The following LGR4 variants were observed in gnomAD, a reference collection of about 807,000 sequenced individuals.
LGR4 encodes the protein leucine-rich repeat-containing G protein-coupled receptor 4.
In LGR4, 44 loss-of-function variants were observed where a neutral mutation model predicts 84.8. That is an observed-to-expected ratio of 0.52 (90% confidence interval 0.41 to 0.67). The LOEUF is 0.67. Ranked by LOEUF, LGR4 falls within the 30% of genes least tolerant of loss-of-function variation. LGR4 has a pLI of 0.00. For synonymous variants in LGR4, 429 were observed against 434.3 expected (o/e 0.99, Z 0.15); for missense variants, 1,032 against 1,131.4 (o/e 0.91, Z 1.26).
At chr11:27,453,756 T>C (rs1864525645) in intron 1 of LGR4, among the ~76,000 whole-genome samples, 1 of 152,220 alleles carries the variant, frequency 6.6e-6, no homozygotes. Flanking sequence ...TAAGTAATTA[T>C]TATTTTAAAG....
chr11:27,371,434 G>A lies in LGR4; in HGVS notation c.1579+181C>T, dbSNP rs138008340. On this transcript the variant is annotated intron_variant, in intron 17 of 17. Transcript: ENST00000379214. Reference sequence around the variant, plus strand: ...ATTCTGATTCAGTAGGTCTGGGCCTGAGATTCTGCAAAAAATTCCTAAGCT... The same window carrying A: ...ATTCTGATTCAGTAGGTCTGGGCCTAAGATTCTGCAAAAAATTCCTAAGCT... Among the ~76,000 whole-genome samples, 116 of 152,292 alleles carry A rather than the reference G, an allele frequency of 7.6e-4. 1 individual carries two copies. In the East Asian group the frequency reaches 0.016, roughly 21 times the overall value.
chr11:27,368,411 A>G lies in LGR4; in HGVS notation c.2312T>C (p.Leu771Ser). The change falls in exon 18 of 18, where the codon TTG (leucine) becomes TCG (serine). Residue 771 changes from leucine (L) to serine (S), a missense_variant. Coordinates refer to ENST00000379214, the MANE Select transcript of LGR4 (RefSeq NM_018490.5). ...CPVAFFSFAP[L>S]ITAISISPEI... ...GGGGCTGATAGAGATTGCAGTGATCAATGGTGCAAATGAAAAAAACGCCAC... is the reference window on the plus strand; with the variant it reads ...GGGGCTGATAGAGATTGCAGTGATCGATGGTGCAAATGAAAAAAACGCCAC... 1 of 1,614,242 alleles carries G rather than the reference A, an allele frequency of 6.2e-7. No individual in the cohort carries two copies. Among genetic ancestry groups the G allele is most frequent in the Non-Finnish European group, 8.5e-7 (1 of 1,180,042 alleles).
intron 6 of LGR4, 115 bp downstream of exon 6, chr11:27,384,221 G>C: frequency 1.5e-6 from 1 of 677,718 alleles, no homozygotes; most frequent in Non-Finnish European, 2.6e-6. Context: ...CAGTATCAAA[G>C]TGAATTAATA....
chr11:27,467,723 T>C (rs1047657061), intron 1 of LGR4, among the ~76,000 whole-genome samples: 3 of 152,332 alleles, frequency 2.0e-5, no homozygotes, highest in South Asian at 2.1e-4. Context: ...CTGTGAATTA[T>C]TGACAGATCT....
intron 10 of LGR4, 89 bp from the exon 11 acceptor site, chr11:27,378,857 T>TC: frequency 1.2e-6 from 1 of 855,366 alleles, no homozygotes; most frequent in Non-Finnish European, 1.9e-6. Flanking sequence ...GCTCACATAT[T>TC]TACATATGGA....
intron 1 of LGR4, among the ~76,000 whole-genome samples, chr11:27,430,054 A>G (rs1341042140): frequency 6.6e-6 from 1 of 152,046 alleles, no homozygotes; most frequent in South Asian, 2.1e-4. Flanking sequence ...CTATTCCTTT[A>G]TTCTCTAACT....
chr11:27,458,341 A>G (rs115962882), intron 1 of LGR4, among the ~76,000 whole-genome samples: 100 of 152,252 alleles, frequency 6.6e-4, no homozygotes, highest in African/African-American at 2.3e-3. Flanking sequence ...GGAGGTGAAG[A>G]GAGGAGATAA....
chr11:27,391,203 A>G, intron 3 of LGR4, 38 bp from the exon 4 acceptor site: 1 of 1,021,706 alleles, frequency 9.8e-7, no homozygotes, highest in Non-Finnish European at 1.5e-6. Flanking sequence ...AACAAGTGAT[A>G]GTTACCATTT....
intron 1 of LGR4, among the ~76,000 whole-genome samples, chr11:27,460,245 CAAG>C (rs1037465454): frequency 9.2e-5 from 14 of 152,102 alleles, no homozygotes; most frequent in African/African-American, 2.9e-4. Flanking sequence ...ACCGAGCTCC[CAAG>C]AAGAAGGCTA....
At chr11:27,447,381 A>G (rs1314784047) in intron 1 of LGR4, among the ~76,000 whole-genome samples, 1 of 152,014 alleles carries the variant, frequency 6.6e-6, no homozygotes, top group Non-Finnish European at 1.5e-5. Context: ...ATTATATGCT[A>G]ATTATAATAT....
At chr11:27,460,099 A>T (rs1324839360) in intron 1 of LGR4, among the ~76,000 whole-genome samples, 1 of 152,082 alleles carries the variant, frequency 6.6e-6, no homozygotes, top group Non-Finnish European at 1.5e-5. Flanking sequence ...CAAAAAAAAG[A>T]ATAAGAGCTG....
At chr11:27,445,213 T>C (rs1232725340) in intron 1 of LGR4, among the ~76,000 whole-genome samples, 1 of 152,156 alleles carries the variant, frequency 6.6e-6, no homozygotes, top group African/African-American at 2.4e-5. Context: ...GATTCGTGCA[T>C]GTCTGTCTTT....
chr11:27,396,704 T>C (rs1156506389), intron 2 of LGR4, among the ~76,000 whole-genome samples: 1 of 152,182 alleles, frequency 6.6e-6, no homozygotes, highest in Non-Finnish European at 1.5e-5. Context: ...TCAGGACCTA[T>C]TGGCTGCCCT....
Position 27,451,095 on chromosome 11 carries a change from C to T in LGR4, c.185+21023G>A, listed in dbSNP as rs181921840. Reference sequence around the variant, plus strand: ...TTTTTAGTATTCACAACTAAATGAACGGTACTTTTCAATACTTAAAACTAA... The same window carrying T: ...TTTTTAGTATTCACAACTAAATGAATGGTACTTTTCAATACTTAAAACTAA... On this transcript the variant is annotated intron_variant, in intron 1 of 17. Coordinates refer to ENST00000379214, the MANE Select transcript of LGR4 (RefSeq NM_018490.5). 9.9e-5 allele frequency among the ~76,000 whole-genome samples: 15 copies of T among 152,218 alleles called. No individual in the cohort carries two copies. In the East Asian group the frequency reaches 1.9e-3, roughly 20 times the overall value.
rs1301818338 is a variant in LGR4, at chr11:27,376,224, A to G, written c.1181+75T>C. On this transcript the variant is annotated intron_variant, in intron 13 of 17. Coordinates refer to ENST00000379214, the MANE Select transcript of LGR4 (RefSeq NM_018490.5). ...ATTATATCTTTAAGTATATCTAGTAACATGGAAATCATAACAACATATTAA... is the reference window on the plus strand; with the variant it reads ...ATTATATCTTTAAGTATATCTAGTAGCATGGAAATCATAACAACATATTAA... The G allele has an allele frequency of 4.7e-6, 4 of 844,608 alleles. No individual in the cohort carries two copies. In the Admixed American group the frequency reaches 9.1e-5, roughly 19 times the overall value. The allele number at this position is 844,608 out of a possible 1,614,324, so 52.3% of individuals were successfully genotyped here. A position where few individuals can be genotyped will look rare whatever the true frequency, so the allele number is the denominator to read the frequency against.
In LGR4 at chr11:27,469,115, A is replaced by T. The variant is rs529136634; in HGVS notation, c.185+3003T>A. 5.1e-4 allele frequency among the ~76,000 whole-genome samples: 78 copies of T among 152,348 alleles called. 4 individuals carry two copies. The South Asian group carries it at 0.016, about 31-fold the overall frequency. On this transcript the variant is annotated intron_variant, in intron 1 of 17. Transcript: ENST00000379214. ...TTGTGACAGGCCAGTGCATTGTGAC[A>T]CAAGATTGAATACTGTTGTTCAAAA...
intron 1 of LGR4, among the ~76,000 whole-genome samples, chr11:27,462,588 T>A (rs1390334753): frequency 1.3e-5 from 2 of 152,144 alleles, no homozygotes; most frequent in African/African-American, 2.4e-5. Flanking sequence ...GAACCTGATA[T>A]ACATTCAAAG....
chr11:27,387,612 G>A (rs776569585), intron 4 of LGR4, among the ~76,000 whole-genome samples: 2 of 152,144 alleles, frequency 1.3e-5, no homozygotes, highest in Non-Finnish European at 2.9e-5. Context: ...TAAAACACAG[G>A]AGGAGGGGAG....
chr11:27,472,461 AGCGGCGCAGGGAC>A lies in LGR4; in HGVS notation c.-172_-160del. On this transcript the variant is annotated 5_prime_UTR_variant, in exon 1 of 18. The change abolishes the stop of an existing upstream ORF in the 5' untranslated region. Transcript: ENST00000379214. The stretch of plus-strand genomic sequence containing the variant: ...CTCGGCCCCTTCAGCAGTCCGCCGC[AGCGGCGCAGGGAC>A]GCGGCGCTCCGGAGTTTCGCCCTTC... 6.8e-6 allele frequency: 3 copies of A among 441,650 alleles called. No homozygotes were observed. The highest frequency in any genetic ancestry group is 1.1e-5 in the Non-Finnish European group (3 of 269,828). 27.4% of individuals were successfully genotyped at this position (441,650 alleles called of 1,614,324 possible).
Sources: gnomAD v4.1 joint callset for allele counts (sites outside exome capture counted in the v4.1 genomes callset) on GRCh38, gnomAD v4.1.1 for gene constraint, MANE v1.5 for transcripts, NCBI Gene and HGNC (gene_info 2026-07-23, HGNC 2026-07-21) for gene names.